PPFIA1: variants seen among roughly 807,000 people sequenced by gnomAD.
PPFIA1 encodes the protein liprin-alpha-1.
A neutral mutation model predicts 149.9 loss-of-function variants in PPFIA1; 25 were observed. That is an observed-to-expected ratio of 0.17 (90% CI 0.12 to 0.23). The LOEUF is 0.23. PPFIA1 is among the 10% of genes least tolerant of loss of function. The probability of loss-of-function intolerance (pLI) is 1.00; values close to 1 mark genes in which losing one functional copy is unlikely to be tolerated. For synonymous variants in PPFIA1, 549 were observed against 552.8 expected, an observed-to-expected ratio of 0.99 and a Z score of 0.10; for missense variants, 1,362 against 1,506.5, an observed-to-expected ratio of 0.90 and a Z score of 1.59.
chr11:70,279,888 C>CTGTGTGTGTGTGGGGGATG (rs1555077730), intron 2 of PPFIA1, among the ~76,000 whole-genome samples: 2 of 101,832 alleles, frequency 2.0e-5, no homozygotes, highest in Non-Finnish European at 3.7e-5. Flanking sequence ...CGTGTCCGGC[C>CTGTGTGTGTGTGGGGGATG]TGTGTGTGTG....
chr11:70,287,973 G>A (rs954305566), intron 2 of PPFIA1, among the ~76,000 whole-genome samples: 7 of 151,688 alleles, frequency 4.6e-5, no homozygotes, highest in Admixed American at 6.6e-5. Context: ...AAATTCAGGC[G>A]TTTATAAGAG....
chr11:70,289,318 A>G (rs535282012), intron 2 of PPFIA1, among the ~76,000 whole-genome samples: 1 of 152,220 alleles, frequency 6.6e-6, no homozygotes, highest in South Asian at 2.1e-4. Context: ...CTAGAAAAAA[A>G]TGTTCATTAA....
At chr11:70,360,152 G>A (rs1053078069) in intron 19 of PPFIA1, among the ~76,000 whole-genome samples, 22 of 152,318 alleles carry the variant, frequency 1.4e-4, no homozygotes, top group African/African-American at 4.8e-4. Flanking sequence ...AGACACATCC[G>A]TCTACCTCCA....
At chr11:70,299,383 A>T (rs17160039) in intron 2 of PPFIA1, among the ~76,000 whole-genome samples, 1 of 152,036 alleles carries the variant, frequency 6.6e-6, no homozygotes, top group South Asian at 2.1e-4. Context: ...TCTGTTTACT[A>T]CTCAACACTG....
At chr11:70,306,846 A>G (rs115885895) in intron 2 of PPFIA1, among the ~76,000 whole-genome samples, 1 of 152,366 alleles carries the variant, frequency 6.6e-6, no homozygotes, top group African/African-American at 2.4e-5. Context: ...AGGAAGTATT[A>G]TAATCTCACA....
intron 19 of PPFIA1, chr11:70,358,623 T>C (rs1169208360): frequency 6.6e-6 from 1 of 152,246 alleles, no homozygotes; most frequent in Admixed American, 6.5e-5. Flanking sequence ...AACGAACGTA[T>C]ATTTCTCAGA....
At chr11:70,349,611 G>A (rs896657011) in intron 16 of PPFIA1, among the ~76,000 whole-genome samples, 2 of 152,026 alleles carry the variant, frequency 1.3e-5, no homozygotes, top group Non-Finnish European at 2.9e-5. Context: ...TTTTAGTTGT[G>A]TTGTTAGCCA....
chr11:70,338,088 G>A (rs2055091382), intron 12 of PPFIA1, among the ~76,000 whole-genome samples: 1 of 152,168 alleles, frequency 6.6e-6, no homozygotes, highest in Admixed American at 6.5e-5. Context: ...GCTTCTCTAC[G>A]AAACTAATAA....
chr11:70,337,586 GC>G (rs2055062275), intron 12 of PPFIA1, among the ~76,000 whole-genome samples, 159 bp downstream of exon 12: 1 of 152,132 alleles, frequency 6.6e-6, no homozygotes, highest in African/African-American at 2.4e-5. Flanking sequence ...TATGTTGAAT[GC>G]CTTTGTATTT....
At position 70,348,269 on chromosome 11, in the gene PPFIA1, A is replaced by G. The variant is rs771043827; in HGVS notation, c.2012A>G (p.Asn671Ser). 2.2e-5 allele frequency: 35 copies of G among 1,614,054 alleles called. No homozygotes were observed. Among genetic ancestry groups the G allele is most frequent in the African/African-American group, 2.1e-4 (16 of 74,912 alleles). The change falls in exon 16 of 28, where the codon AAT becomes AGT. Residue 671 changes from asparagine (N) to serine (S), a missense_variant. Asn to Ser is a conservative substitution (Grantham distance 46). Around this residue, in one of 7 missense-constraint regions of PPFIA1, gnomAD observed 733 missense variants for 744.1 expected, o/e 0.99. Coordinates refer to ENST00000253925, the MANE Select transcript of PPFIA1 (RefSeq NM_003626.5). ...ESRVGSGSLD[N>S]LGRFRSMSSI... ...CGAGTTGGCAGTGGAAGTCTAGACA[A>G]TCTTGGTCGTTTTAGATCAATGAGC... is the stretch of plus-strand genomic sequence containing the variant.
chr11:70,313,336 T>C (rs546559883), intron 2 of PPFIA1, among the ~76,000 whole-genome samples: 1 of 152,252 alleles, frequency 6.6e-6, no homozygotes, highest in African/African-American at 2.4e-5. Flanking sequence ...TTAGAAGTTA[T>C]TAGGGGGGCT....
Position 70,378,020 on chromosome 11 carries a change from A to C in PPFIA1, c.3385-10A>C. ...AAATGAATCTTGTTTTTTGTTCCTT[A>C]ATTTACCAGGATGATGATAAAAGCT... is the stretch of plus-strand genomic sequence containing the variant. On this transcript the variant is annotated splice_polypyrimidine_tract_variant and intron_variant, in intron 25 of 27. Coordinates refer to ENST00000253925, the MANE Select transcript of PPFIA1 (RefSeq NM_003626.5). 3.2e-6 allele frequency: 5 copies of C among 1,580,294 alleles called. No homozygotes were observed. The highest frequency in any genetic ancestry group is 4.3e-6 in the Non-Finnish European group (5 of 1,159,300).
chr11:70,288,812 CA>C (rs1186656818), intron 2 of PPFIA1, among the ~76,000 whole-genome samples: 1 of 152,084 alleles, frequency 6.6e-6, no homozygotes, highest in East Asian at 1.9e-4. Context: ...TGCTTTCTGG[CA>C]CAGAAATTTG....
Position 70,324,995 on chromosome 11 carries a change from A to G in PPFIA1, c.515A>G (p.Lys172Arg). Reference sequence around the variant, plus strand: ...CTGAAGTCCTTATTTGAACACCACAAAGCTCTGGATGAAAAGGTGCCATCA... The same window carrying G: ...CTGAAGTCCTTATTTGAACACCACAGAGCTCTGGATGAAAAGGTGCCATCA... ...KALKSLFEHHKALDEKVRERL... is the reference protein window; with the variant it reads ...KALKSLFEHHRALDEKVRERL... Residue 172 changes from lysine to arginine, a missense_variant, in exon 4 of 28, where the codon AAA becomes AGA. Physicochemically the swap from Lys to Arg is conservative, Grantham distance 26 (BLOSUM62 2). Around this residue, in one of 7 missense-constraint regions of PPFIA1, gnomAD observed 79 missense variants for 146.2 expected, o/e 0.54. Coordinates refer to ENST00000253925, the MANE Select transcript of PPFIA1 (RefSeq NM_003626.5). The G allele has an allele frequency of 6.2e-7, 1 of 1,609,678 alleles. No individual in the cohort carries two copies. The highest frequency in any genetic ancestry group is 8.5e-7 in the Non-Finnish European group (1 of 1,178,892).
chr11:70,279,167 A>G (rs933705372), intron 2 of PPFIA1: 8 of 489,198 alleles, frequency 1.6e-5, no homozygotes, highest in Admixed American at 2.9e-5. Context: ...CCACACGTCC[A>G]GGACTGATTG....
intron 2 of PPFIA1, among the ~76,000 whole-genome samples, chr11:70,290,032 C>G (rs992568619): frequency 6.6e-6 from 1 of 152,140 alleles, no homozygotes; most frequent in African/African-American, 2.4e-5. Context: ...TGTTCAAGAG[C>G]AGCCTGGGCA....
At chr11:70,322,143 T>C (rs2053981101) in intron 2 of PPFIA1, among the ~76,000 whole-genome samples, 1 of 152,158 alleles carries the variant, frequency 6.6e-6, no homozygotes, top group Non-Finnish European at 1.5e-5. Flanking sequence ...CCTCCCAAAC[T>C]GTTGGGATTA....
At chr11:70,285,356 A>G (rs17160753) in intron 2 of PPFIA1, among the ~76,000 whole-genome samples, 34,021 of 151,844 alleles carry the variant, frequency 0.22, 5,858 homozygotes, top group African/African-American at 0.48. Flanking sequence ...GAGCCACTTC[A>G]AGTGCATGGG....
chr11:70,330,153 C>T lies in PPFIA1; in HGVS notation c.931-20C>T, dbSNP rs1565403113. 6.4e-7 allele frequency: 1 copy of T among 1,564,530 alleles called. No individual in the cohort carries two copies. The highest frequency in any genetic ancestry group is 8.6e-7 in the Non-Finnish European group (1 of 1,157,588). Reference sequence around the variant, plus strand: ...CGTTAATTACCTACTTTTTTGTCCCCTCTGAAATACCTAATTTAGGCCATG... The same window carrying T: ...CGTTAATTACCTACTTTTTTGTCCCTTCTGAAATACCTAATTTAGGCCATG... On this transcript the variant is annotated intron_variant, in intron 7 of 27. Coordinates refer to ENST00000253925, the MANE Select transcript of PPFIA1 (RefSeq NM_003626.5).
Sources: gnomAD v4.1 joint callset for allele counts (sites outside exome capture counted in the v4.1 genomes callset) on GRCh38, gnomAD v4.1.1 for gene constraint, gnomAD v4.1.1 regional missense constraint, MANE v1.5 for transcripts, NCBI Gene and HGNC (gene_info 2026-07-23, HGNC 2026-07-21) for gene names.